HSF2BP: variants seen among roughly 807,000 people sequenced by gnomAD.
HSF2BP encodes heat shock factor 2-binding protein.
Under a neutral mutation model 35.0 loss-of-function variants are expected in HSF2BP, and 35 were observed. That is an observed-to-expected ratio of 1.00 (90% CI 0.76 to 1.32). The LOEUF (loss-of-function observed/expected upper bound fraction) is 1.32, where lower values mean the gene tolerates loss of function less well. HSF2BP is among the 40% of genes most tolerant of loss of function. The pLI, the probability that HSF2BP is intolerant of heterozygous loss-of-function variation, is 0.00. For missense variants in HSF2BP, 326 were observed against 321.7 expected (o/e 1.01, Z -0.10); for synonymous variants, 114 against 117.4 (o/e 0.97, Z 0.18).
At chr21:43,652,400 C>CAAA (rs35714746) in intron 3 of HSF2BP, among the ~76,000 whole-genome samples, 45 of 89,230 alleles carry the variant, frequency 5.0e-4, no homozygotes, top group Non-Finnish European at 6.8e-4. Context: ...CAGACACCAT[C>CAAA]AAAAAAAAAA....
At chr21:43,608,782 T>C (rs1417641275) in intron 7 of HSF2BP, among the ~76,000 whole-genome samples, 1 of 151,534 alleles carries the variant, frequency 6.6e-6, no homozygotes, top group Non-Finnish European at 1.5e-5. Flanking sequence ...GGCAAGAAAG[T>C]GAGACCCCTA....
chr21:43,590,170 C>G (rs2081908515), intron 8 of HSF2BP, among the ~76,000 whole-genome samples: 1 of 152,182 alleles, frequency 6.6e-6, no homozygotes, highest in Non-Finnish European at 1.5e-5. Context: ...TCTCAATATT[C>G]AGTAAGAATC....
rs768816297 is a variant in HSF2BP at position 43,644,347 on chromosome 21, C to G, written c.233G>C (p.Cys78Ser). Residue 78 changes from cysteine (C) to serine (S), a missense_variant, in exon 4 of 9, where the codon TGT becomes TCT. Physicochemically the swap from Cys to Ser is moderately radical, Grantham distance 112. Transcript: ENST00000291560. ...TTCCAGGCGGGCTTTAAAGTGCTCA[C>G]AATCCATTTTCAGCTGCTCTAATTC... ...EQELEQLKMD[C>S]EHFKARLETV... 9.3e-6 allele frequency: 15 copies of G among 1,614,032 alleles called. No individual in the cohort carries two copies. The East Asian group carries it at 2.7e-4, about 29-fold the overall frequency.
At chr21:43,467,935 A>C in the HSF2BP span, among the ~76,000 whole-genome samples, 1 of 71,508 alleles carries the variant, frequency 1.4e-5, no homozygotes, top group Non-Finnish European at 2.6e-5. Context: ...CACACACCAC[A>C]CACACACACC....
intron 3 of HSF2BP, among the ~76,000 whole-genome samples, chr21:43,646,492 C>A (rs543743618): frequency 6.6e-6 from 1 of 152,158 alleles, no homozygotes; most frequent in African/African-American, 2.4e-5. Context: ...TTTTTCTTTG[C>A]ATTTAACTGT....
chr21:43,592,932 G>A (rs2146791583), intron 7 of HSF2BP, among the ~76,000 whole-genome samples: 1 of 152,260 alleles, frequency 6.6e-6, no homozygotes, highest in East Asian at 1.9e-4. Context: ...GAAACTACAG[G>A]ACTTTGGTTT....
chr21:43,632,235 TCA>T lies in HSF2BP; in HGVS notation c.441+1035_441+1036del, dbSNP rs148478106. Among the ~76,000 whole-genome samples the T allele has an allele frequency of 5.8e-3, 187 of 32,290 alleles. 3 individuals carry two copies. The highest frequency in any genetic ancestry group is 0.024 in the African/African-American group (149 of 6,224). The allele number at this position is 32,290 out of a possible 152,430, so 21.2% of individuals were successfully genotyped here. A position where few individuals can be genotyped will look rare whatever the true frequency, so the allele number is the denominator to read the frequency against. On this transcript the variant is annotated intron_variant, in intron 5 of 8. Transcript: ENST00000291560. ...CACATACGATCCCACATACACAGGCTCACACACACACACACACACTCCCCCAC... is the reference window on the plus strand; with the variant it reads ...CACATACGATCCCACATACACAGGCTCACACACACACACACACTCCCCCAC...
intron 8 of HSF2BP, among the ~76,000 whole-genome samples, chr21:43,574,048 G>A (rs370373009): frequency 1.7e-4 from 26 of 152,244 alleles, no homozygotes; most frequent in East Asian, 5.8e-4. Flanking sequence ...AGCAGGGCCC[G>A]AGGCAGCCTT....
chr21:43,582,518 GA>G (rs1235453173), intron 8 of HSF2BP, among the ~76,000 whole-genome samples: 11 of 103,708 alleles, frequency 1.1e-4, no homozygotes, highest in African/African-American at 1.9e-4. Flanking sequence ...TGAGGGAGAT[GA>G]AGGGCCTGCT....
intron 8 of HSF2BP, among the ~76,000 whole-genome samples, chr21:43,572,869 A>G (rs569904805): frequency 6.6e-6 from 1 of 152,340 alleles, no homozygotes; most frequent in East Asian, 1.9e-4. Context: ...TCTCTATGCT[A>G]TAAAACTTTT....
At chr21:43,657,831 A>C (rs1228126979) in intron 2 of HSF2BP, 4 of 985,312 alleles carry the variant, frequency 4.1e-6, no homozygotes, top group Non-Finnish European at 4.8e-6. Flanking sequence ...TGCCCCCACC[A>C]CGCGCAGCCT....
At chr21:43,639,970 T>TAG (rs1310321479) in intron 4 of HSF2BP, among the ~76,000 whole-genome samples, 14 of 152,174 alleles carry the variant, frequency 9.2e-5, no homozygotes, top group Admixed American at 4.6e-4. Context: ...GCAATAAAAA[T>TAG]ATCTAACGAT....
chr21:43,608,540 G>A (rs1309144821), intron 7 of HSF2BP, among the ~76,000 whole-genome samples: 1 of 152,176 alleles, frequency 6.6e-6, no homozygotes, highest in Non-Finnish European at 1.5e-5. Context: ...GCAGTCTGGA[G>A]ATTTCTCAAA....
chr21:43,586,444 G>C (rs1178598519), intron 8 of HSF2BP, among the ~76,000 whole-genome samples: 2 of 152,120 alleles, frequency 1.3e-5, no homozygotes, highest in Admixed American at 1.3e-4. Context: ...TTTCATTGCA[G>C]CATGAGATTT....
At chr21:43,651,624 C>G (rs1168986644) in intron 3 of HSF2BP, among the ~76,000 whole-genome samples, 4 of 152,200 alleles carry the variant, frequency 2.6e-5, no homozygotes, top group Non-Finnish European at 5.9e-5. Flanking sequence ...TAAAAACAAT[C>G]TATGATTGTC....
intron 7 of HSF2BP, among the ~76,000 whole-genome samples, chr21:43,601,099 T>C (rs2146839597): frequency 6.6e-6 from 1 of 152,330 alleles, no homozygotes; most frequent in South Asian, 2.1e-4. Context: ...ACACCACTGC[T>C]ATAACATTTT....
chr21:43,610,947 T>G (rs2082196387), intron 7 of HSF2BP, among the ~76,000 whole-genome samples: 2 of 152,240 alleles, frequency 1.3e-5, no homozygotes, highest in South Asian at 2.1e-4. Flanking sequence ...AATCCAAATA[T>G]TACATCTCCT....
intron 7 of HSF2BP, among the ~76,000 whole-genome samples, chr21:43,592,595 A>G (rs1454651): frequency 0.62 from 94,786 of 152,006 alleles, 29,928 homozygotes; most frequent in East Asian, 0.79. Flanking sequence ...GGGAAGCCTC[A>G]CAAACCATAT....
chr21:43,581,246 C>T (rs142866877), intron 8 of HSF2BP, among the ~76,000 whole-genome samples: 4,285 of 152,082 alleles, frequency 0.028, 220 homozygotes, highest in African/African-American at 0.098. Context: ...ATTAGCCGGG[C>T]GTGGTGGCAG....
Sources: allele counts gnomAD v4.1 joint callset (sites outside exome capture counted in the v4.1 genomes callset), GRCh38; gene constraint gnomAD v4.1.1; transcripts MANE v1.5; gene names NCBI Gene and HGNC (gene_info 2026-07-23, HGNC 2026-07-21).